NKAIN2: variants seen among roughly 807,000 people sequenced by gnomAD.
NKAIN2 encodes the protein sodium/potassium transporting ATPase interacting 2, also known as sodium/potassium-transporting ATPase subunit beta-1-interacting protein 2.
NKAIN2 carries 14 observed loss-of-function variants against 32.6 expected under a neutral mutation model. The observed-to-expected ratio is 0.43, with a 90% CI of 0.28 to 0.67. The LOEUF (loss-of-function observed/expected upper bound fraction) is 0.67. NKAIN2 is among the 30% of genes least tolerant of loss of function. The probability of loss-of-function intolerance (pLI) is 0.17; values close to 1 mark genes in which losing one functional copy is unlikely to be tolerated. For synonymous variants in NKAIN2, 80 were observed against 87.2 expected (o/e 0.92, Z 0.46); for missense variants, 198 against 258.3 (o/e 0.77, Z 1.60).
At chr6:124,057,815 C>T (rs1782730170) in intron 1 of NKAIN2, among the ~76,000 whole-genome samples, 1 of 151,938 alleles carries the variant, frequency 6.6e-6, no homozygotes, top group South Asian at 2.1e-4. Context: ...AATATAGAAC[C>T]TAAAATCCTC....
intron 1 of NKAIN2, among the ~76,000 whole-genome samples, chr6:123,911,529 C>T (rs970657442): frequency 1.3e-5 from 2 of 151,816 alleles, no homozygotes; most frequent in African/African-American, 4.8e-5. Flanking sequence ...CCCTATGATC[C>T]AAATACCTCC....
At chr6:124,054,595 C>T (rs1782565360) in intron 1 of NKAIN2, among the ~76,000 whole-genome samples, 1 of 152,024 alleles carries the variant, frequency 6.6e-6, no homozygotes, top group Non-Finnish European at 1.5e-5. Context: ...GGCCAGCTTC[C>T]TCTCTTCCCC....
chr6:123,934,570 G>T (rs1483438304), intron 1 of NKAIN2, among the ~76,000 whole-genome samples: 5 of 151,964 alleles, frequency 3.3e-5, no homozygotes, highest in African/African-American at 1.2e-4. Context: ...TAGACTCAGG[G>T]TTTCTTTAGT....
At chr6:123,990,608 C>T (rs1381702266) in intron 1 of NKAIN2, among the ~76,000 whole-genome samples, 1 of 152,118 alleles carries the variant, frequency 6.6e-6, no homozygotes, top group Non-Finnish European at 1.5e-5. Context: ...GACAGTGGTT[C>T]ACCTTCCTCT....
intron 3 of NKAIN2, among the ~76,000 whole-genome samples, chr6:124,606,965 A>C (rs1028048675): frequency 5.3e-5 from 8 of 152,202 alleles, no homozygotes; most frequent in Non-Finnish European, 7.3e-5. Flanking sequence ...ATGGCTCAGT[A>C]AGGTCATTCA....
intron 1 of NKAIN2, among the ~76,000 whole-genome samples, chr6:124,105,070 C>T (rs1241582524): frequency 1.3e-5 from 2 of 152,084 alleles, no homozygotes; most frequent in South Asian, 2.1e-4. Flanking sequence ...GGGCTGAACT[C>T]GTCATAAAGA....
At chr6:124,350,306 T>C (rs540222491) in intron 2 of NKAIN2, among the ~76,000 whole-genome samples, 35 of 152,200 alleles carry the variant, frequency 2.3e-4, no homozygotes, top group African/African-American at 8.2e-4. Flanking sequence ...ACAAAAATCA[T>C]AGGCCGAATT....
chr6:123,940,911 T>A (rs1172975593), intron 1 of NKAIN2, among the ~76,000 whole-genome samples: 1 of 152,014 alleles, frequency 6.6e-6, no homozygotes, highest in African/African-American at 2.4e-5. Flanking sequence ...TTTATAAAAT[T>A]TTTCATTTTT....
At chr6:124,371,693 CAAAAAAAAA>C (rs10679200) in intron 3 of NKAIN2, among the ~76,000 whole-genome samples, 1 of 95,788 alleles carries the variant, frequency 1.0e-5, no homozygotes, top group Non-Finnish European at 2.0e-5. Context: ...GACTCTGTCT[CAAAAAAAAA>C]AAAAAAAAAA....
chr6:124,474,367 T>C (rs1777099694), intron 3 of NKAIN2, among the ~76,000 whole-genome samples: 1 of 152,134 alleles, frequency 6.6e-6, no homozygotes, highest in African/African-American at 2.4e-5. Flanking sequence ...CCTCTGAGTT[T>C]GCTTCTGTTG....
intron 4 of NKAIN2, among the ~76,000 whole-genome samples, chr6:124,726,009 A>G (rs996918222): frequency 1.3e-5 from 2 of 152,190 alleles, no homozygotes; most frequent in African/African-American, 4.8e-5. Flanking sequence ...CGGGCTTAAA[A>G]AACGGCACAC....
intron 1 of NKAIN2, among the ~76,000 whole-genome samples, chr6:124,199,046 C>G (rs923819075): frequency 6.6e-6 from 1 of 152,060 alleles, no homozygotes; most frequent in Non-Finnish European, 1.5e-5. Context: ...AGCAACATTC[C>G]TTTATAATAT....
chr6:124,347,120 C>G (rs1798464509), intron 2 of NKAIN2, among the ~76,000 whole-genome samples: 1 of 152,146 alleles, frequency 6.6e-6, no homozygotes, highest in East Asian at 1.9e-4. Flanking sequence ...ATATGAAATT[C>G]TGGCTTGAAA....
intron 4 of NKAIN2, among the ~76,000 whole-genome samples, chr6:124,762,578 G>T (rs1031620310): frequency 6.6e-6 from 1 of 152,110 alleles, no homozygotes; most frequent in African/African-American, 2.4e-5. Context: ...TACAATACAC[G>T]ATGCTTTTTG....
intron 3 of NKAIN2, among the ~76,000 whole-genome samples, chr6:124,362,845 A>T (rs1409294061): frequency 1.3e-5 from 2 of 151,992 alleles, no homozygotes; most frequent in African/African-American, 4.8e-5. Flanking sequence ...TATTATTATT[A>T]TTTTTTTGAG....
At chr6:124,226,282 A>G (rs72980436) in intron 1 of NKAIN2, among the ~76,000 whole-genome samples, 8,929 of 152,040 alleles carry the variant, frequency 0.059, 401 homozygotes, top group South Asian at 0.082. Context: ...ATAAGCTGTA[A>G]AAGTACCCTG....
chr6:124,635,758 A>T (rs1783750650), intron 3 of NKAIN2, among the ~76,000 whole-genome samples: 1 of 152,104 alleles, frequency 6.6e-6, no homozygotes, highest in African/African-American at 2.4e-5. Flanking sequence ...ATAAATAGAC[A>T]TGCACCCAAC....
intron 3 of NKAIN2, among the ~76,000 whole-genome samples, chr6:124,569,486 A>T (rs1781044570): frequency 6.6e-6 from 1 of 152,178 alleles, no homozygotes; most frequent in Non-Finnish European, 1.5e-5. Flanking sequence ...ATCTCCCAGA[A>T]TTCCCAGTTG....
At chr6:123,936,032 G>A (rs981840691) in intron 1 of NKAIN2, among the ~76,000 whole-genome samples, 9 of 152,188 alleles carry the variant, frequency 5.9e-5, no homozygotes, top group Non-Finnish European at 1.3e-4. Context: ...TAGTGTGACA[G>A]TGACAACCGA....
Sources: allele counts gnomAD v4.1 joint callset (sites outside exome capture counted in the v4.1 genomes callset), GRCh38; gene constraint gnomAD v4.1.1; transcripts MANE v1.5; gene names NCBI Gene and HGNC (gene_info 2026-07-23, HGNC 2026-07-21).